The following ELOVL3 variants were observed in gnomAD, a reference collection of about 807,000 sequenced individuals.
ELOVL3 encodes the protein very long chain fatty acid elongase 3.
Under a neutral mutation model 14.9 loss-of-function variants are expected in ELOVL3, and 11 were observed. The ratio of observed to expected loss-of-function variants is 0.74; its 90% CI spans 0.46 to 1.22. The LOEUF (loss-of-function observed/expected upper bound fraction) is 1.22, where lower values mean the gene tolerates loss of function less well. Among genes scored for constraint, ELOVL3 ranks in the 50% most tolerant of loss-of-function variants. The pLI, the probability that ELOVL3 is intolerant of heterozygous loss-of-function variation, is 0.00. For missense variants in ELOVL3, 277 were observed against 338.9 expected (o/e 0.82, Z 1.43); for synonymous variants, 117 against 124.7 (o/e 0.94, Z 0.41).
chr10:102,226,467 C>A lies in ELOVL3; in HGVS notation c.-82C>A. ...TCTGTCCCGGCTCTGTTCCGTCTCG[C>A]CCCGAGGTTCACGCCATCCTCGGAG... On this transcript the variant is annotated 5_prime_UTR_variant, in exon 1 of 4. Coordinates refer to ENST00000370005, the MANE Select transcript of ELOVL3 (RefSeq NM_152310.3). 1.0e-6 allele frequency: 1 copy of A among 984,196 alleles called. No individual in the cohort carries two copies. Among genetic ancestry groups the A allele is most frequent in the South Asian group, 1.4e-5 (1 of 72,528 alleles). The allele number at this position is 984,196 out of a possible 1,614,324, so 61.0% of individuals were successfully genotyped here.
intron 3 of ELOVL3, 49 bp downstream of exon 3, chr10:102,228,617 C>A: frequency 1.3e-6 from 2 of 1,599,396 alleles, no homozygotes; most frequent in Non-Finnish European, 1.7e-6. Context: ...CTGCATCCTT[C>A]CTCAGGGCCC....
Position 102,228,469 on chromosome 10 carries a change from G to C in ELOVL3, c.286G>C (p.Gly96Arg). ...WGIMGTVLLT[G>R]GLKQTVCFIN... Reference sequence around the variant, plus strand: ...CATTATGGGGACTGTGCTACTTACCGGGGGCCTAAAGCAAACCGTGTGCTT... The same window carrying C: ...CATTATGGGGACTGTGCTACTTACCCGGGGCCTAAAGCAAACCGTGTGCTT... The change falls in exon 3 of 4, where the codon GGG becomes CGG. Residue 96 changes from glycine (G) to arginine (R), a missense_variant. Gly to Arg is a moderately radical substitution (Grantham distance 125). Transcript: ENST00000370005. 6.2e-7 allele frequency: 1 copy of C among 1,614,050 alleles called. No individual in the cohort carries two copies. The highest frequency in any genetic ancestry group is 1.7e-5 in the Admixed American group (1 of 60,018).
chr10:102,226,451 G>A lies in ELOVL3; in HGVS notation c.-98G>A. 2 of 823,776 alleles carry A rather than the reference G, an allele frequency of 2.4e-6. No individual in the cohort carries two copies. Among genetic ancestry groups the A allele is most frequent in the Admixed American group, 2.1e-5 (1 of 47,350 alleles). 51.0% of individuals were successfully genotyped at this position (823,776 alleles called of 1,614,324 possible). Reference sequence around the variant, plus strand: ...TTGCCCAGGAGTTCCTTCTGTCCCGGCTCTGTTCCGTCTCGCCCCGAGGTT... The same window carrying A: ...TTGCCCAGGAGTTCCTTCTGTCCCGACTCTGTTCCGTCTCGCCCCGAGGTT... On this transcript the variant is annotated 5_prime_UTR_variant, in exon 1 of 4. Transcript: ENST00000370005.
chr10:102,226,337 G>A lies in ELOVL3; in HGVS notation c.-212G>A, dbSNP rs1564989049. The A allele has an allele frequency of 5.6e-6, 3 of 537,424 alleles. No individual in the cohort carries two copies. The highest frequency in any genetic ancestry group is 4.4e-5 in the South Asian group (2 of 45,700). The allele number at this position is 537,424 out of a possible 1,614,324, so 33.3% of individuals were successfully genotyped here. On this transcript the variant is annotated 5_prime_UTR_variant, in exon 1 of 4. Transcript: ENST00000370005. ...CGCGCCAGCCCGGGCAGGCAGCTTTGCAAGTCCGCGTTATATATCGCAGTG... is the reference window on the plus strand; with the variant it reads ...CGCGCCAGCCCGGGCAGGCAGCTTTACAAGTCCGCGTTATATATCGCAGTG...
intron 3 of ELOVL3, 43 bp from the exon 4 acceptor site, chr10:102,228,782 C>T (rs752189443): frequency 6.4e-7 from 1 of 1,561,298 alleles, no homozygotes. Flanking sequence ...GAGGGTGGTC[C>T]CAGCACTGGG....
At chr10:102,228,597 G>A (rs2070160499) in intron 3 of ELOVL3, 29 bp downstream of exon 3, 1 of 1,611,890 alleles carries the variant, frequency 6.2e-7, no homozygotes, top group African/African-American at 1.3e-5. Context: ...TCTTTCTGGT[G>A]CCTTGTGAAC....
At position 102,228,500 on chromosome 10, in the gene ELOVL3, A is replaced by C; in HGVS notation, c.317A>C (p.Asn106Thr). Residue 106 changes from asparagine to threonine, a missense_variant, in exon 3 of 4, where the codon AAC (asparagine) becomes ACC (threonine). Coordinates refer to ENST00000370005, the MANE Select transcript of ELOVL3 (RefSeq NM_152310.3). ...GGLKQTVCFI[N>T]FIDNSTVKFW... is the part of the protein sequence containing the mutation. The stretch of plus-strand genomic sequence containing the variant: ...CTAAAGCAAACCGTGTGCTTCATCA[A>C]CTTCATCGATAATTCCACAGTCAAA... 1 of 1,614,090 alleles carries C rather than the reference A, an allele frequency of 6.2e-7. No individual in the cohort carries two copies. The highest frequency in any genetic ancestry group is 8.5e-7 in the Non-Finnish European group (1 of 1,180,008).
At chr10:102,226,792 G>A in intron 1 of ELOVL3, 143 bp downstream of exon 1, 1 of 605,950 alleles carries the variant, frequency 1.7e-6, no homozygotes, top group Non-Finnish European at 2.9e-6. Context: ...CTTTGTCCGA[G>A]GTGCAGGTAG....
chr10:102,229,013 G>T lies in ELOVL3; in HGVS notation c.574G>T (p.Val192Leu). Reference sequence around the variant, plus strand: ...CTACTACACTCTGAAGGCTGCCAACGTGAAGCCCCCCAAGATGCTGCCCAT... The same window carrying T: ...CTACTACACTCTGAAGGCTGCCAACTTGAAGCCCCCCAAGATGCTGCCCAT... ...YTYYTLKAAN[V>L]KPPKMLPMLI... The change falls in exon 4 of 4, where the codon GTG becomes TTG. Residue 192 changes from valine to leucine, a missense_variant. Physicochemically the swap from Val to Leu is conservative, Grantham distance 32 (BLOSUM62 1). Coordinates refer to ENST00000370005, the MANE Select transcript of ELOVL3 (RefSeq NM_152310.3). 3 of 1,614,134 alleles carry T rather than the reference G, an allele frequency of 1.9e-6. No homozygotes were observed. Among genetic ancestry groups the T allele is most frequent in the Non-Finnish European group, 2.5e-6 (3 of 1,180,030 alleles).
At chr10:102,228,697 C>T in intron 3 of ELOVL3, 128 bp from the exon 4 acceptor site, 1 of 1,416,298 alleles carries the variant, frequency 7.1e-7, no homozygotes, top group Non-Finnish European at 9.7e-7. Flanking sequence ...CACCCAAGCC[C>T]CTCTACAGAT....
At chr10:102,227,545 G>A in intron 1 of ELOVL3, 81 bp from the exon 2 acceptor site, 2 of 1,460,080 alleles carry the variant, frequency 1.4e-6, no homozygotes, top group Non-Finnish European at 9.3e-7. Flanking sequence ...CCAACCCAGA[G>A]CACTCACCTG....
In ELOVL3 at chr10:102,226,447, C is replaced by A; in HGVS notation, c.-102C>A. 5 of 788,058 alleles carry A rather than the reference C, an allele frequency of 6.3e-6. No individual in the cohort carries two copies. Among genetic ancestry groups the A allele is most frequent in the Non-Finnish European group, 1.1e-5 (5 of 471,052 alleles). 48.8% of individuals were successfully genotyped at this position (788,058 alleles called of 1,614,324 possible). ...CCCTTTGCCCAGGAGTTCCTTCTGTCCCGGCTCTGTTCCGTCTCGCCCCGA... is the reference window on the plus strand; with the variant it reads ...CCCTTTGCCCAGGAGTTCCTTCTGTACCGGCTCTGTTCCGTCTCGCCCCGA... On this transcript the variant is annotated 5_prime_UTR_variant, in exon 1 of 4. Transcript: ENST00000370005.
chr10:102,227,193 C>A (rs1311737690), intron 1 of ELOVL3, among the ~76,000 whole-genome samples: 1 of 152,164 alleles, frequency 6.6e-6, no homozygotes, highest in Non-Finnish European at 1.5e-5. Flanking sequence ...TGCCATACCC[C>A]AGCCAGGGAG....
At position 102,227,693 on chromosome 10, in the gene ELOVL3, G is replaced by A. The variant is rs768653709; in HGVS notation, c.169G>A (p.Glu57Lys). ...CGCTGTGGGGCAGAACTACATGAAG[G>A]AACGCAAGGGCTTCAACCTGCAAGG... ...LIAVGQNYMK[E>K]RKGFNLQGPL... is the part of the protein sequence containing the mutation. The change falls in exon 2 of 4, where the codon GAA becomes AAA. Residue 57 changes from glutamate to lysine, a missense_variant. By Grantham distance (56) the Glu-to-Lys change is moderately conservative. Transcript: ENST00000370005. 1.2e-6 allele frequency: 2 copies of A among 1,613,624 alleles called. No homozygotes were observed. The highest frequency in any genetic ancestry group is 2.2e-5 in the South Asian group (2 of 91,042).
rs2070159796 is a variant in ELOVL3 at position 102,228,531 on chromosome 10, G to T, written c.348G>T (p.Trp116Cys). 1 of 1,613,994 alleles carries T rather than the reference G, an allele frequency of 6.2e-7. No individual in the cohort carries two copies. Among genetic ancestry groups the T allele is most frequent in the Admixed American group, 1.7e-5 (1 of 60,004 alleles). ...TCGATAATTCCACAGTCAAATTCTG[G>T]TCCTGGGTCTTTCTTCTCAGCAAGG... ...NFIDNSTVKF[W>C]SWVFLLSKVI... Residue 116 changes from tryptophan (W) to cysteine (C), a missense_variant, in exon 3 of 4, where the codon TGG (tryptophan) becomes TGT (cysteine). By Grantham distance (215) the Trp-to-Cys change is radical (BLOSUM62 -2). Transcript: ENST00000370005.
chr10:102,225,538 T>G (rs998566701), upstream of ELOVL3, among the ~76,000 whole-genome samples: 1 of 152,170 alleles, frequency 6.6e-6, no homozygotes, highest in African/African-American at 2.4e-5. Flanking sequence ...TTTAGAACAT[T>G]TATTTCTTTG....
chr10:102,228,119 T>TA (rs2070153801), intron 2 of ELOVL3, among the ~76,000 whole-genome samples: 1 of 152,032 alleles, frequency 6.6e-6, no homozygotes, highest in Admixed American at 6.5e-5. Flanking sequence ...AGTCTTCCCC[T>TA]ATCCCTCTAC....
rs1564989922 is a variant in ELOVL3 at position 102,228,522 on chromosome 10, C to G, written c.339C>G (p.Val113=). 1.2e-6 allele frequency: 2 copies of G among 1,614,122 alleles called. No individual in the cohort carries two copies. The highest frequency in any genetic ancestry group is 1.7e-6 in the Non-Finnish European group (2 of 1,180,016). The part of the protein sequence containing the change: ...CFINFIDNST[V]KFWSWVFLLS... ...TCAACTTCATCGATAATTCCACAGTCAAATTCTGGTCCTGGGTCTTTCTTC... is the reference window on the plus strand; with the variant it reads ...TCAACTTCATCGATAATTCCACAGTGAAATTCTGGTCCTGGGTCTTTCTTC... The change falls in exon 3 of 4, where the codon GTC becomes GTG. Residue 113 remains valine, a synonymous_variant. Transcript: ENST00000370005.
upstream of ELOVL3, among the ~76,000 whole-genome samples, chr10:102,226,154 C>A (rs1209941216): frequency 6.6e-6 from 1 of 152,134 alleles, no homozygotes; most frequent in South Asian, 2.1e-4. Flanking sequence ...GGGAAGTGGG[C>A]GGGCGATGGC....
Sources: allele counts gnomAD v4.1 joint callset (sites outside exome capture counted in the v4.1 genomes callset), GRCh38; gene constraint gnomAD v4.1.1; transcripts MANE v1.5; gene names NCBI Gene and HGNC (gene_info 2026-07-23, HGNC 2026-07-21).